SLC8A3: variants seen among roughly 807,000 people sequenced by gnomAD.
The protein encoded by SLC8A3 is solute carrier family 8 member A3.
SLC8A3 carries 37 observed loss-of-function variants against 65.4 expected under a neutral mutation model. The ratio of observed to expected loss-of-function variants is 0.57; its 90% CI spans 0.44 to 0.74. SLC8A3 has a LOEUF of 0.74. Ranked by LOEUF, SLC8A3 falls within the 30% of genes least tolerant of loss-of-function variation. SLC8A3 has a pLI of 0.00. For synonymous variants in SLC8A3, 461 were observed against 444.5 expected, an observed-to-expected ratio of 1.04 and a Z score of -0.47; for missense variants, 1,112 against 1,172.1, an observed-to-expected ratio of 0.95 and a Z score of 0.75.
At position 70,118,627 on chromosome 14, in the gene SLC8A3, T is replaced by A. The variant is rs571189615; in HGVS notation, c.1784+48012A>T. ...ATAGATCTCCACATAAAATGAGAAA[T>A]CCTTTTGGTGATGCTCTTCTTCTGT... On this transcript the variant is annotated intron_variant, in intron 2 of 6. Coordinates refer to ENST00000356921, the MANE Select transcript of SLC8A3 (RefSeq NM_182932.3). Among the ~76,000 whole-genome samples, 18 of 152,338 alleles carry A rather than the reference T, an allele frequency of 1.2e-4. No homozygotes were observed. The South Asian group carries it at 3.7e-3, about 32-fold the overall frequency.
Position 70,046,409 on chromosome 14 carries a change from A to G in SLC8A3, c.2390-86T>C. 2 of 1,405,058 alleles carry G rather than the reference A, an allele frequency of 1.4e-6. No homozygotes were observed. The highest frequency in any genetic ancestry group is 1.4e-5 in the South Asian group (1 of 71,680). The allele number at this position is 1,405,058 out of a possible 1,614,324, so 87.0% of individuals were successfully genotyped here. A position where few individuals can be genotyped will look rare whatever the true frequency, so the allele number is the denominator to read the frequency against. On this transcript the variant is annotated intron_variant, in intron 6 of 6. Transcript: ENST00000356921. This position sits in a 1 kb window ranked among gnomAD's most constrained non-coding sequence, Gnocchi z 4.2. Reference sequence around the variant, plus strand: ...TCCAGTATGCCCAAAAAGCAGCTTGAGCTGGTGGGCTGAACCCAGGAATGA... The same window carrying G: ...TCCAGTATGCCCAAAAAGCAGCTTGGGCTGGTGGGCTGAACCCAGGAATGA...
rs111329512 is a variant in SLC8A3 at position 70,148,877 on chromosome 14, G to T, written c.1784+17762C>A. 4.3e-3 allele frequency among the ~76,000 whole-genome samples: 650 copies of T among 152,256 alleles called. 4 individuals carry two copies. The highest frequency in any genetic ancestry group is 0.015 in the African/African-American group (603 of 41,558). ...ATGCGAGTGGGGCCGTGATCAGGGCGTGAATATGACAAGTAGGTGTGTAGA... is the reference window on the plus strand; with the variant it reads ...ATGCGAGTGGGGCCGTGATCAGGGCTTGAATATGACAAGTAGGTGTGTAGA... On this transcript the variant is annotated intron_variant, in intron 2 of 6. Transcript: ENST00000356921.
rs557551174 is a variant in SLC8A3, at chr14:70,124,697, T to C, written c.1784+41942A>G. 3.9e-5 allele frequency among the ~76,000 whole-genome samples: 6 copies of C among 152,396 alleles called. No homozygotes were observed. The South Asian group carries it at 1.0e-3, about 26-fold the overall frequency. The stretch of plus-strand genomic sequence containing the variant: ...CCTGTCTTTCTTGCTTTAACTCTTA[T>C]TATTGCTCTGTTCAGTCATTCAACT... On this transcript the variant is annotated intron_variant, in intron 2 of 6. Coordinates refer to ENST00000356921, the MANE Select transcript of SLC8A3 (RefSeq NM_182932.3).
intron 2 of SLC8A3, among the ~76,000 whole-genome samples, chr14:70,098,634 T>A (rs970369660): frequency 6.6e-6 from 1 of 152,144 alleles, no homozygotes; most frequent in Non-Finnish European, 1.5e-5. Flanking sequence ...CTGCACCCAC[T>A]GGGGACAGTC....
chr14:70,165,179 A>G (rs1897101193), intron 2 of SLC8A3, among the ~76,000 whole-genome samples: 1 of 152,246 alleles, frequency 6.6e-6, no homozygotes, highest in Non-Finnish European at 1.5e-5. Context: ...TTTGCATATC[A>G]GAAAGTTAAG....
chr14:70,170,511 T>C (rs1213553415), intron 1 of SLC8A3, among the ~76,000 whole-genome samples: 1 of 152,266 alleles, frequency 6.6e-6, no homozygotes, highest in East Asian at 1.9e-4. Context: ...AGGTTCTCAG[T>C]AACTGTATGT....
At chr14:70,105,281 A>G (rs1045113433) in intron 2 of SLC8A3, among the ~76,000 whole-genome samples, 11 of 152,232 alleles carry the variant, frequency 7.2e-5, no homozygotes, top group African/African-American at 2.7e-4. Flanking sequence ...GTGAGCCGAG[A>G]TCGAGCCACT....
chr14:70,075,743 G>A (rs910883805), intron 2 of SLC8A3, among the ~76,000 whole-genome samples: 4 of 152,202 alleles, frequency 2.6e-5, no homozygotes, highest in African/African-American at 9.6e-5. Flanking sequence ...ATTTTTTAAA[G>A]AAAATTATAA....
At chr14:70,078,851 G>T (rs1256602130) in intron 2 of SLC8A3, among the ~76,000 whole-genome samples, 1 of 152,206 alleles carries the variant, frequency 6.6e-6, no homozygotes, top group Non-Finnish European at 1.5e-5. Context: ...GATCTGCAGG[G>T]TCTACCAATC....
intron 2 of SLC8A3, among the ~76,000 whole-genome samples, chr14:70,153,157 C>G (rs985028925): frequency 6.6e-6 from 1 of 152,134 alleles, no homozygotes; most frequent in African/African-American, 2.4e-5. Flanking sequence ...AATTCCAGTC[C>G]CAGGTGTCCC....
intron 1 of SLC8A3, among the ~76,000 whole-genome samples, chr14:70,177,239 G>T (rs1009813592): frequency 4.6e-5 from 7 of 152,154 alleles, no homozygotes; most frequent in Non-Finnish European, 1.0e-4. Flanking sequence ...AAAATAGAAG[G>T]GATAATATCC....
rs570086849 is a variant in SLC8A3, at chr14:70,123,975, G to A, written c.1784+42664C>T. Reference sequence around the variant, plus strand: ...CCCCAGGGTCAGCAGACATCCATGTGGATGAGTCAGAAGAATCCATAATTA... The same window carrying A: ...CCCCAGGGTCAGCAGACATCCATGTAGATGAGTCAGAAGAATCCATAATTA... On this transcript the variant is annotated intron_variant, in intron 2 of 6. Transcript: ENST00000356921. Among the ~76,000 whole-genome samples the A allele has an allele frequency of 1.6e-4, 25 of 152,230 alleles. No homozygotes were observed. The South Asian group carries it at 5.0e-3, about 30-fold the overall frequency.
At position 70,167,142 on chromosome 14, in the gene SLC8A3, C is replaced by T. The variant is rs764486343; in HGVS notation, c.1281G>A (p.Lys427=). 2 of 1,614,160 alleles carry T rather than the reference C, an allele frequency of 1.2e-6. No homozygotes were observed. The highest frequency in any genetic ancestry group is 8.5e-7 in the Non-Finnish European group (1 of 1,180,004). The part of the protein sequence containing the change: ...TVVRKGGDMS[K]TMYVDYKTED... ...CTGTTTTGTAGTCCACATACATGGT[C>T]TTTGACATGTCTCCCCCTTTCCTCA... The change falls in exon 2 of 7, where the codon AAG becomes AAA. Residue 427 remains lysine, a synonymous_variant. Transcript: ENST00000356921.
chr14:70,117,586 A>C (rs961839075), intron 2 of SLC8A3, among the ~76,000 whole-genome samples: 1 of 152,190 alleles, frequency 6.6e-6, no homozygotes, highest in Non-Finnish European at 1.5e-5. Flanking sequence ...AGTATGAATT[A>C]ATCATGCTTT....
intron 2 of SLC8A3, among the ~76,000 whole-genome samples, chr14:70,083,054 A>G (rs1438905603): frequency 6.6e-6 from 1 of 152,126 alleles, no homozygotes; most frequent in African/African-American, 2.4e-5. Flanking sequence ...GGTCCAAAGG[A>G]AGGTGGCCAA....
At chr14:70,051,320 T>C (rs1887484012) in intron 4 of SLC8A3, among the ~76,000 whole-genome samples, 1 of 152,166 alleles carries the variant, frequency 6.6e-6, no homozygotes, top group Non-Finnish European at 1.5e-5. Context: ...TGAGACAGGG[T>C]CTCACTTTGT....
chr14:70,139,408 A>G (rs1895419777), intron 2 of SLC8A3, among the ~76,000 whole-genome samples: 1 of 152,228 alleles, frequency 6.6e-6, no homozygotes, highest in Non-Finnish European at 1.5e-5. Flanking sequence ...CATCAAAATG[A>G]GCAGAGCAGA....
chr14:70,102,936 T>C (rs529913300), intron 2 of SLC8A3, among the ~76,000 whole-genome samples: 23 of 151,720 alleles, frequency 1.5e-4, no homozygotes, highest in Non-Finnish European at 3.1e-4. Context: ...AATAAAAAGC[T>C]CACAGAAGTT....
intron 2 of SLC8A3, among the ~76,000 whole-genome samples, chr14:70,075,244 C>T (rs144855687): frequency 3.9e-5 from 6 of 152,290 alleles, no homozygotes; most frequent in East Asian, 1.9e-4. Context: ...AGCCAGACAA[C>T]GTTCTCAGCC....
Sources: allele counts gnomAD v4.1 joint callset (sites outside exome capture counted in the v4.1 genomes callset), GRCh38; gene constraint gnomAD v4.1.1; non-coding constraint Gnocchi (gnomAD v3.1); transcripts MANE v1.5; gene names NCBI Gene and HGNC (gene_info 2026-07-23, HGNC 2026-07-21).